The following EPRS1 variants were observed in gnomAD, a reference collection of about 807,000 sequenced individuals.
EPRS1 encodes the protein glutamyl-prolyl-tRNA synthetase 1.
A neutral mutation model predicts 188.3 loss-of-function variants in EPRS1; 107 were observed. The ratio of observed to expected loss-of-function variants is 0.57; its 90% confidence interval spans 0.49 to 0.67. The LOEUF (loss-of-function observed/expected upper bound fraction) is 0.67, where lower values mean the gene tolerates loss of function less well. EPRS1 is among the 30% of genes least tolerant of loss of function. EPRS1 has a pLI of 0.00. For missense variants in EPRS1, 1,577 were observed against 1,802.2 expected, an observed-to-expected ratio of 0.88 and a Z score of 2.26; for synonymous variants, 596 against 593.1, an observed-to-expected ratio of 1.00 and a Z score of -0.07.
rs764703316 is a variant in EPRS1, at chr1:219,983,204, A to G, written c.3285T>C (p.Ala1095=). 6.2e-7 allele frequency: 1 copy of G among 1,613,618 alleles called. No homozygotes were observed. The highest frequency in any genetic ancestry group is 1.7e-5 in the Admixed American group (1 of 59,966). The change falls in exon 22 of 32, where the codon GCT becomes GCC. Residue 1095 remains alanine, a synonymous_variant. Transcript: ENST00000366923. ...GCTCACTTACCTCTGGGGCAAAGTC[A>G]GCAACATGAGTCTTCTCTTTCTCTA... The part of the protein sequence containing the change: ...SALEKEKTHV[A]DFAPEVAWVT...
chr1:219,991,148 T>C (rs1661113563), intron 18 of EPRS1, among the ~76,000 whole-genome samples: 1 of 150,174 alleles, frequency 6.7e-6, no homozygotes, highest in Non-Finnish European at 1.5e-5. Flanking sequence ...TCTGATTACA[T>C]TCAGAATGAG....
chr1:220,008,107 C>CAAA (rs55642831), intron 13 of EPRS1, among the ~76,000 whole-genome samples: 8 of 133,378 alleles, frequency 6.0e-5, no homozygotes, highest in African/African-American at 1.7e-4. Context: ...ACTCCGTCAC[C>CAAA]AAAAAAAAAA....
rs185731578 is a variant in EPRS1, at chr1:220,000,936, G to A, written c.2181+202C>T. ...GCGGAGGTTGCAGTGAGCCCAGATC[G>A]CGCCACAGCACTCCAGCCTTGGGTG... On this transcript the variant is annotated intron_variant, in intron 17 of 31. Transcript: ENST00000366923. Among the ~76,000 whole-genome samples, 16 of 152,278 alleles carry A rather than the reference G, an allele frequency of 1.1e-4. No homozygotes were observed. In the East Asian group the frequency reaches 2.9e-3, roughly 28 times the overall value.
intron 3 of EPRS1, among the ~76,000 whole-genome samples, chr1:220,034,295 G>C (rs1269919433): frequency 6.6e-6 from 1 of 152,108 alleles, no homozygotes; most frequent in Non-Finnish European, 1.5e-5. Flanking sequence ...TGCCAGTATA[G>C]GTTTGTAGTC....
At chr1:219,988,550 C>A in intron 19 of EPRS1, 40 bp downstream of exon 19, 1 of 1,392,986 alleles carries the variant, frequency 7.2e-7, no homozygotes, top group East Asian at 2.3e-5. Flanking sequence ...TACCCTGAAA[C>A]ATAAAAAACA....
intron 1 of EPRS1, among the ~76,000 whole-genome samples, chr1:220,043,054 A>T (rs1662329324): frequency 6.6e-6 from 1 of 152,224 alleles, no homozygotes; most frequent in Non-Finnish European, 1.5e-5. Flanking sequence ...ATATGATTCA[A>T]TGTATATGAA....
At chr1:219,969,247 G>A in intron 30 of EPRS1, 125 bp from the exon 31 acceptor site, 1 of 681,678 alleles carries the variant, frequency 1.5e-6, no homozygotes, top group East Asian at 2.7e-5. Context: ...CTTTTTTCAG[G>A]CTATGATACC....
In EPRS1 at chr1:219,988,673, T is replaced by C. The variant is rs769822889; in HGVS notation, c.2692A>G (p.Thr898Ala). The stretch of plus-strand genomic sequence containing the variant: ...TCAAAAAGTACTTTCGCTTCTGGTG[T>C]TTCTAAACCAGCAGGTTCAGAATTT... ...TRNSEPAGLE[T>A]PEAKVLFDKV... The change falls in exon 19 of 32, where the codon ACA becomes GCA. Residue 898 changes from threonine to alanine, a missense_variant. Thr to Ala is a moderately conservative substitution (Grantham distance 58). This residue lies in a region of EPRS1 where 1,278 missense variants were observed against 1,457.4 expected (regional missense o/e 0.88). Coordinates refer to ENST00000366923, the MANE Select transcript of EPRS1 (RefSeq NM_004446.3). The C allele has an allele frequency of 5.0e-6, 8 of 1,614,022 alleles. No homozygotes were observed. Among genetic ancestry groups the C allele is most frequent in the Non-Finnish European group, 6.8e-6 (8 of 1,179,916 alleles).
intron 6 of EPRS1, among the ~76,000 whole-genome samples, chr1:220,028,186 T>A (rs573249095): frequency 6.6e-6 from 1 of 152,186 alleles, no homozygotes; most frequent in Non-Finnish European, 1.5e-5. Context: ...ACTTTTAACT[T>A]GAGGGCGTTG....
chr1:220,020,280 C>T (rs1661844455), intron 9 of EPRS1, 59 bp from the exon 10 acceptor site: 5 of 1,048,504 alleles, frequency 4.8e-6, no homozygotes, highest in Non-Finnish European at 7.1e-6. Context: ...TTAGATTAAG[C>T]ATTATAAACA....
At chr1:219,971,555 C>T (rs189822934) in intron 30 of EPRS1, among the ~76,000 whole-genome samples, 102 of 151,780 alleles carry the variant, frequency 6.7e-4, no homozygotes, top group African/African-American at 2.1e-3. Context: ...TTTAGGCAGC[C>T]GCATATGACA....
chr1:220,028,687 G>C (rs1239126182), intron 6 of EPRS1, among the ~76,000 whole-genome samples: 1 of 152,156 alleles, frequency 6.6e-6, no homozygotes, highest in African/African-American at 2.4e-5. Flanking sequence ...TCCTCAGAAG[G>C]CTGTTGGGAT....
chr1:220,012,145 TCTG>T (rs1364672467), intron 12 of EPRS1, among the ~76,000 whole-genome samples: 2 of 152,150 alleles, frequency 1.3e-5, no homozygotes, highest in Non-Finnish European at 2.9e-5. Context: ...CTTCTCCTCA[TCTG>T]CTAATCCTCA....
At chr1:219,979,767 A>G in intron 26 of EPRS1, 152 bp from the exon 27 acceptor site, 1 of 644,288 alleles carries the variant, frequency 1.6e-6, no homozygotes, top group South Asian at 2.0e-5. Flanking sequence ...AAGCATAATT[A>G]CCATAATAAG....
intron 29 of EPRS1, 33 bp from the exon 30 acceptor site, chr1:219,972,180 T>C: frequency 1.5e-6 from 2 of 1,346,330 alleles, no homozygotes; most frequent in Non-Finnish European, 2.1e-6. Context: ...AATACATAAT[T>C]GTTCTCACAA....
At chr1:219,984,329 C>CT in intron 20 of EPRS1, 72 bp from the exon 21 acceptor site, 1 of 1,054,116 alleles carries the variant, frequency 9.5e-7, no homozygotes, top group South Asian at 1.3e-5. Flanking sequence ...AAATAAACCT[C>CT]TAAAGTTCAA....
At chr1:219,978,961 TATA>T (rs201118694) in intron 27 of EPRS1, among the ~76,000 whole-genome samples, 1,311 of 49,220 alleles carry the variant, frequency 0.027, 32 homozygotes, top group Admixed American at 0.11. Flanking sequence ...TATATATATA[TATA>T]TTTTTTTTTC....
intron 1 of EPRS1, among the ~76,000 whole-genome samples, chr1:220,044,221 A>G (rs1257183221): frequency 6.6e-6 from 1 of 152,266 alleles, no homozygotes; most frequent in African/African-American, 2.4e-5. Context: ...ATCTAATTAT[A>G]TTACTTAAAG....
Position 219,972,156 on chromosome 1 carries a change from C to A in EPRS1, c.4245-9G>T. The A allele has an allele frequency of 6.6e-7, 1 of 1,526,464 alleles. No individual in the cohort carries two copies. Among genetic ancestry groups the A allele is most frequent in the Non-Finnish European group, 8.9e-7 (1 of 1,124,758 alleles). 94.6% of individuals were successfully genotyped at this position (1,526,464 alleles called of 1,614,324 possible). On this transcript the variant is annotated splice_polypyrimidine_tract_variant and intron_variant, in intron 29 of 31. Coordinates refer to ENST00000366923, the MANE Select transcript of EPRS1 (RefSeq NM_004446.3). ...TAAGGTCTTCAGAAGCCCTACCAAA[C>A]AAAATTAGAAAACAATACATAATTG... is the stretch of plus-strand genomic sequence containing the variant.
Sources: gnomAD v4.1 joint callset for allele counts (sites outside exome capture counted in the v4.1 genomes callset) on GRCh38, gnomAD v4.1.1 for gene constraint, gnomAD v4.1.1 regional missense constraint, MANE v1.5 for transcripts, NCBI Gene and HGNC (gene_info 2026-07-23, HGNC 2026-07-21) for gene names.